Variants in BRPF3 observed in about 807,000 individuals in gnomAD.
BRPF3 encodes bromodomain and PHD finger-containing protein 3.
A neutral mutation model predicts 102.0 loss-of-function variants in BRPF3; 18 were observed. The observed-to-expected ratio is 0.18, with a 90% CI of 0.12 to 0.26. The LOEUF (loss-of-function observed/expected upper bound fraction) is 0.26. Ranked by LOEUF, BRPF3 falls within the 10% of genes least tolerant of loss-of-function variation. The probability of loss-of-function intolerance (pLI) is 1.00; values close to 1 mark genes in which losing one functional copy is unlikely to be tolerated. For synonymous variants in BRPF3, 570 were observed against 614.2 expected (o/e 0.93, Z 1.06); for missense variants, 1,147 against 1,567.8 (o/e 0.73, Z 4.53).
chr6:36,204,364 C>T (rs150697515), intron 2 of BRPF3: 9 of 399,640 alleles, frequency 2.3e-5, no homozygotes, highest in African/African-American at 8.2e-5. Flanking sequence ...TCAGTCCGTA[C>T]GTGGAACAAG....
chr6:36,197,421 T>G (rs2127270796), intron 1 of BRPF3: 1 of 152,386 alleles, frequency 6.6e-6, no homozygotes, highest in Non-Finnish European at 1.5e-5. Flanking sequence ...CTGTCTCTGG[T>G]GCGCTCGCCC....
chr6:36,200,518 C>T lies in BRPF3; in HGVS notation c.196C>T (p.Leu66=). ...DPLKIITEDE[L]TAQDITECNS... is the part of the protein sequence containing the mutation. Reference sequence around the variant, plus strand: ...ACTCAAAATCATTACTGAAGATGAGCTAACTGCCCAGGATATCACCGAATG... The same window carrying T: ...ACTCAAAATCATTACTGAAGATGAGTTAACTGCCCAGGATATCACCGAATG... The change falls in exon 2 of 13, where the codon CTA becomes TTA. Residue 66 remains leucine (L), a synonymous_variant. Coordinates refer to ENST00000357641, the MANE Select transcript of BRPF3 (RefSeq NM_015695.3). The surrounding 1 kb of genome is among the most constrained non-coding windows in gnomAD (Gnocchi z 5.3). The T allele has an allele frequency of 6.2e-7, 1 of 1,614,238 alleles. No homozygotes were observed. The highest frequency in any genetic ancestry group is 1.1e-5 in the South Asian group (1 of 91,090).
chr6:36,230,736 T>C lies in BRPF3; in HGVS notation c.*127T>C. On this transcript the variant is annotated 3_prime_UTR_variant, in exon 13 of 13. Coordinates refer to ENST00000357641, the MANE Select transcript of BRPF3 (RefSeq NM_015695.3). This position sits in a 1 kb window ranked among gnomAD's most constrained non-coding sequence, Gnocchi z 5.4. ...CTCATGGTAGGCCAGGGACTGGGCT[T>C]TCTCCCCACTAAGGGCAAGGCCCCA... The C allele has an allele frequency of 8.4e-7, 1 of 1,195,378 alleles. No homozygotes were observed. The allele number at this position is 1,195,378 out of a possible 1,614,324, so 74.0% of individuals were successfully genotyped here.
chr6:36,204,244 G>A (rs1484405926), intron 2 of BRPF3, among the ~76,000 whole-genome samples: 2 of 152,168 alleles, frequency 1.3e-5, no homozygotes, highest in Non-Finnish European at 2.9e-5. Context: ...ACTCTCAGCC[G>A]CAGAAGGCAG....
At chr6:36,212,574 A>G (rs948725250) in intron 7 of BRPF3, among the ~76,000 whole-genome samples, 14 of 141,188 alleles carry the variant, frequency 9.9e-5, no homozygotes, top group South Asian at 2.4e-4. Flanking sequence ...ATCACCTAGA[A>G]AAAAAAAAAA....
At chr6:36,228,701 A>G (rs758300342) in intron 11 of BRPF3, among the ~76,000 whole-genome samples, 4 of 152,184 alleles carry the variant, frequency 2.6e-5, no homozygotes, top group Non-Finnish European at 5.9e-5. Flanking sequence ...GGAAATTGAC[A>G]GGAAAAAAAA....
intron 8 of BRPF3, among the ~76,000 whole-genome samples, chr6:36,214,993 AAC>A (rs1251464375): frequency 6.6e-6 from 1 of 152,112 alleles, no homozygotes; most frequent in East Asian, 1.9e-4. Flanking sequence ...TGGAGGTGGG[AAC>A]ATGCCTGCAT....
chr6:36,225,481 G>T (rs576916514), intron 11 of BRPF3, 117 bp downstream of exon 11: 89 of 871,170 alleles, frequency 1.0e-4, no homozygotes, highest in Non-Finnish European at 1.3e-4. Context: ...CTGTAGAGGG[G>T]AGGGGGGTTT....
At chr6:36,217,875 G>A in intron 8 of BRPF3, 42 bp from the exon 9 acceptor site, 2 of 1,580,468 alleles carry the variant, frequency 1.3e-6, no homozygotes, top group Non-Finnish European at 1.7e-6. Context: ...TGTTGGGAAG[G>A]GGGATTTCTG....
At chr6:36,222,143 C>T in intron 9 of BRPF3, 25 bp from the exon 10 acceptor site, 3 of 1,549,368 alleles carry the variant, frequency 1.9e-6, no homozygotes, top group Non-Finnish European at 2.6e-6. Context: ...CTCATTTCAC[C>T]CCTCTCTCCC....
At position 36,201,525 on chromosome 6, in the gene BRPF3, T is replaced by C. The variant is rs1302895364; in HGVS notation, c.1203T>C (p.Pro401=). ...CTGCTAGGAGGAAGGGCGACTCCCC[T>C]AGAAGCATCAGTGAGACTGGCGATG... is the stretch of plus-strand genomic sequence containing the variant. ...AATARRKGDS[P]RSISETGDEE... The change falls in exon 2 of 13, where the codon CCT becomes CCC. Residue 401 remains proline (P), a synonymous_variant. Transcript: ENST00000357641. The surrounding 1 kb of genome is among the most constrained non-coding windows in gnomAD (Gnocchi z 5.1). The C allele has an allele frequency of 6.2e-7, 1 of 1,613,768 alleles. No individual in the cohort carries two copies. Among genetic ancestry groups the C allele is most frequent in the Admixed American group, 1.7e-5 (1 of 59,974 alleles).
Position 36,214,259 on chromosome 6 carries a change from T to C in BRPF3, c.2862T>C (p.His954=). The change falls in exon 8 of 13, where the codon CAT becomes CAC. Residue 954 remains histidine, a synonymous_variant. Coordinates refer to ENST00000357641, the MANE Select transcript of BRPF3 (RefSeq NM_015695.3). The stretch of plus-strand genomic sequence containing the variant: ...GGGTCCTGGAGAATGGCGAGGACCA[T>C]GGTGTGGCAGGCTCTCCTGCCTCTC... ...PDRVLENGED[H]GVAGSPASPA... The C allele has an allele frequency of 6.2e-7, 1 of 1,614,128 alleles. No homozygotes were observed. Among genetic ancestry groups the C allele is most frequent in the East Asian group, 2.2e-5 (1 of 44,882 alleles).
chr6:36,210,536 G>T lies in BRPF3; in HGVS notation c.2179+8G>T. ...GCTTCTCCTGGGAAGACGGTGAGAG[G>T]CCTGGATGGGTGGGGAGGAGAGGGG... On this transcript the variant is annotated splice_region_variant and intron_variant, in intron 6 of 12. Transcript: ENST00000357641. The surrounding 1 kb of genome is among the most constrained non-coding windows in gnomAD (Gnocchi z 4.7). The T allele has an allele frequency of 3.2e-6, 5 of 1,575,750 alleles. No homozygotes were observed. The highest frequency in any genetic ancestry group is 4.3e-6 in the Non-Finnish European group (5 of 1,167,440).
At chr6:36,222,414 C>T (rs1346632615) in intron 10 of BRPF3, 149 bp downstream of exon 10, 8 of 615,994 alleles carry the variant, frequency 1.3e-5, no homozygotes, top group African/African-American at 2.0e-5. Context: ...AGATGGCACT[C>T]TCCCAGGCCA....
At chr6:36,223,201 C>G (rs1768611909) in intron 10 of BRPF3, among the ~76,000 whole-genome samples, 1 of 152,206 alleles carries the variant, frequency 6.6e-6, no homozygotes, top group Non-Finnish European at 1.5e-5. Flanking sequence ...CCATCTAACA[C>G]ACAGGCTGCA....
At chr6:36,209,661 TG>T in intron 4 of BRPF3, 125 bp from the exon 5 acceptor site, 1 of 1,205,928 alleles carries the variant, frequency 8.3e-7, no homozygotes, top group Non-Finnish European at 1.1e-6. Context: ...TCTCATATAC[TG>T]GTCAGCTTAA....
chr6:36,210,004 T>C lies in BRPF3; in HGVS notation c.1866+89T>C. 1.3e-6 allele frequency: 2 copies of C among 1,550,862 alleles called. No individual in the cohort carries two copies. The highest frequency in any genetic ancestry group is 8.8e-7 in the Non-Finnish European group (1 of 1,139,996). ...TAGGAAGGAGTTGGGCCACAGGGTG[T>C]ACAAAACCAGGGGTAGGAGGGTGGG... On this transcript the variant is annotated intron_variant, in intron 5 of 12. Coordinates refer to ENST00000357641, the MANE Select transcript of BRPF3 (RefSeq NM_015695.3). This position sits in a 1 kb window ranked among gnomAD's most constrained non-coding sequence, Gnocchi z 4.7.
chr6:36,231,729 T>C lies in BRPF3; in HGVS notation c.*1120T>C, dbSNP rs1328089922. 6.6e-6 allele frequency: 1 copy of C among 152,474 alleles called. No individual in the cohort carries two copies. Among genetic ancestry groups the C allele is most frequent in the Non-Finnish European group, 1.5e-5 (1 of 68,102 alleles). 9.4% of individuals were successfully genotyped at this position (152,474 alleles called of 1,614,324 possible). On this transcript the variant is annotated 3_prime_UTR_variant, in exon 13 of 13. Transcript: ENST00000357641. ...CCACTTCCCAACTCCAGGGAATGCATTACTTTTATTTCAAACCCTCTGCCT... is the reference window on the plus strand; with the variant it reads ...CCACTTCCCAACTCCAGGGAATGCACTACTTTTATTTCAAACCCTCTGCCT...
chr6:36,226,188 A>G (rs537108998), intron 11 of BRPF3, among the ~76,000 whole-genome samples: 5 of 152,218 alleles, frequency 3.3e-5, no homozygotes, highest in African/African-American at 1.2e-4. Context: ...TTATTTCCTT[A>G]CAGTGAATTC....
Sources: allele counts gnomAD v4.1 joint callset (sites outside exome capture counted in the v4.1 genomes callset), GRCh38; gene constraint gnomAD v4.1.1; non-coding constraint Gnocchi (gnomAD v3.1); transcripts MANE v1.5; gene names NCBI Gene and HGNC (gene_info 2026-07-23, HGNC 2026-07-21).